FER: variants seen among roughly 807,000 people sequenced by gnomAD.
The protein encoded by FER is tyrosine-protein kinase Fer.
FER carries 63 observed loss-of-function variants against 111.0 expected under a neutral mutation model. The observed-to-expected ratio is 0.57, with a 90% confidence interval of 0.46 to 0.70. FER has a LOEUF of 0.70. Among genes scored for constraint, FER ranks in the 30% least tolerant of loss-of-function variants. The pLI, the probability that FER is intolerant of heterozygous loss-of-function variation, is 0.00. For synonymous variants in FER, 327 were observed against 313.9 expected (o/e 1.04, Z -0.44); for missense variants, 914 against 954.0 (o/e 0.96, Z 0.55).
chr5:109,159,316 A>G lies in FER; in HGVS notation c.2049-21431A>G, dbSNP rs546254422. Among the ~76,000 whole-genome samples, 4 of 152,288 alleles carry G rather than the reference A, an allele frequency of 2.6e-5. No individual in the cohort carries two copies. In the South Asian group the frequency reaches 8.3e-4, roughly 32 times the overall value. On this transcript the variant is annotated intron_variant, in intron 17 of 19. Coordinates refer to ENST00000281092, the MANE Select transcript of FER (RefSeq NM_005246.4). ...TCACAGATTTTCCTGCCATTCACCA[A>G]TCAGAAATAATCTTTACCTTTTCTA...
intron 3 of FER, among the ~76,000 whole-genome samples, chr5:108,814,616 G>A (rs1291072495): frequency 1.3e-5 from 2 of 152,126 alleles, no homozygotes; most frequent in Admixed American, 6.5e-5. Context: ...GATATCATCG[G>A]GGTATTAGGA....
chr5:109,052,080 G>T, intron 16 of FER: 1 of 1,603,190 alleles, frequency 6.2e-7, no homozygotes, highest in Non-Finnish European at 8.5e-7. Flanking sequence ...TCTGCTTCAA[G>T]TGCATCTCCA....
rs536714774 is a variant in FER, at chr5:109,195,009, G to T, written c.*7434G>T. On this transcript the variant is annotated 3_prime_UTR_variant, in exon 20 of 20. Transcript: ENST00000281092. ...ACTGAGATCCTAGGTAAAAGAACCAGCCTGGCAGTCTTTCCCACCTCATTG... is the reference window on the plus strand; with the variant it reads ...ACTGAGATCCTAGGTAAAAGAACCATCCTGGCAGTCTTTCCCACCTCATTG... 2 of 152,306 alleles carry T rather than the reference G, an allele frequency of 1.3e-5. No individual in the cohort carries two copies. Among genetic ancestry groups the T allele is most frequent in the South Asian group, 4.1e-4 (2 of 4,820 alleles). 9.4% of individuals were successfully genotyped at this position (152,306 alleles called of 1,614,324 possible).
At chr5:108,841,822 T>A in intron 5 of FER, 1 of 427,078 alleles carries the variant, frequency 2.3e-6, no homozygotes, top group South Asian at 1.7e-5. Flanking sequence ...TTTTCCTATG[T>A]CTTATCAGTG....
chr5:108,992,334 T>A (rs573383034), intron 13 of FER, among the ~76,000 whole-genome samples: 13 of 152,338 alleles, frequency 8.5e-5, no homozygotes, highest in Non-Finnish European at 1.5e-4. Flanking sequence ...CTTTACCCCC[T>A]TTCTATTCTA....
chr5:108,957,417 A>G (rs1000927390), intron 12 of FER, among the ~76,000 whole-genome samples: 1 of 151,600 alleles, frequency 6.6e-6, no homozygotes, highest in Non-Finnish European at 1.5e-5. Context: ...ATTTTATCCC[A>G]GTAGAATGGC....
intron 16 of FER, among the ~76,000 whole-genome samples, chr5:109,081,964 A>G (rs1164849584): frequency 6.6e-6 from 1 of 151,928 alleles, no homozygotes; most frequent in Non-Finnish European, 1.5e-5. Flanking sequence ...GAATCCATTG[A>G]AGGTTTCTGA....
chr5:108,861,304 A>C (rs1400424737), intron 5 of FER, among the ~76,000 whole-genome samples: 1 of 152,228 alleles, frequency 6.6e-6, no homozygotes, highest in Non-Finnish European at 1.5e-5. Flanking sequence ...TAGCTTAATG[A>C]GTAGTCTAGC....
At chr5:109,102,665 T>C (rs1167294728) in intron 17 of FER, among the ~76,000 whole-genome samples, 1 of 152,214 alleles carries the variant, frequency 6.6e-6, no homozygotes, top group Non-Finnish European at 1.5e-5. Flanking sequence ...CATTTAATTC[T>C]TCTAAACTAT....
chr5:108,997,756 T>A (rs779239482), intron 13 of FER, among the ~76,000 whole-genome samples: 1 of 152,074 alleles, frequency 6.6e-6, no homozygotes, highest in Non-Finnish European at 1.5e-5. Context: ...AGGTGCTCTG[T>A]TTCATGAAGA....
intron 2 of FER, among the ~76,000 whole-genome samples, chr5:108,781,723 G>C (rs1013707447): frequency 1.3e-5 from 2 of 152,082 alleles, no homozygotes; most frequent in Non-Finnish European, 2.9e-5. Flanking sequence ...CGTCTCCCAA[G>C]GTAAGACAGC....
chr5:109,083,306 A>G (rs979273741), intron 16 of FER, among the ~76,000 whole-genome samples: 1 of 152,022 alleles, frequency 6.6e-6, no homozygotes, highest in Non-Finnish European at 1.5e-5. Flanking sequence ...GTAGGTCTTC[A>G]TCCAGTTCTT....
At chr5:109,041,409 T>A (rs147657393) in intron 14 of FER, among the ~76,000 whole-genome samples, 2 of 151,924 alleles carry the variant, frequency 1.3e-5, no homozygotes, top group South Asian at 4.2e-4. Context: ...ACCGAAAGAT[T>A]GGCAGTTCCT....
intron 10 of FER, among the ~76,000 whole-genome samples, chr5:108,908,510 T>A (rs953500963): frequency 3.3e-5 from 5 of 152,198 alleles, no homozygotes; most frequent in Admixed American, 2.6e-4. Flanking sequence ...TTACGATTTT[T>A]AAAAATAATT....
intron 5 of FER, among the ~76,000 whole-genome samples, chr5:108,845,069 C>T (rs867890713): frequency 0.015 from 1,064 of 69,394 alleles, 5 homozygotes; most frequent in Non-Finnish European, 0.025. Context: ...TATATATATA[C>T]ACACACACAC....
At chr5:108,790,276 CT>C (rs987460859) in intron 2 of FER, among the ~76,000 whole-genome samples, 3 of 149,784 alleles carry the variant, frequency 2.0e-5, no homozygotes, top group African/African-American at 7.3e-5. Context: ...CACACACACT[CT>C]TACATACATA....
chr5:109,128,241 T>A (rs1751969132), intron 17 of FER, among the ~76,000 whole-genome samples: 1 of 151,976 alleles, frequency 6.6e-6, no homozygotes, highest in Non-Finnish European at 1.5e-5. Flanking sequence ...TTTTTTTTTT[T>A]AATGAGAGAC....
At chr5:108,769,323 T>G (rs1752649169) in intron 2 of FER, among the ~76,000 whole-genome samples, 1 of 152,058 alleles carries the variant, frequency 6.6e-6, no homozygotes, top group Non-Finnish European at 1.5e-5. Context: ...GGAAGAGCAT[T>G]CTCATTAGAA....
Position 108,867,877 on chromosome 5 carries a change from C to T in FER, c.592C>T (p.Gln198Ter), listed in dbSNP as rs1011312788. The T allele has an allele frequency of 1.2e-6, 2 of 1,612,748 alleles. No homozygotes were observed. The highest frequency in any genetic ancestry group is 8.5e-7 in the Non-Finnish European group (1 of 1,179,204). The change falls in exon 6 of 20, where the codon CAG (glutamine) becomes TAG (stop). Residue 198 changes from glutamine to a stop codon, truncating the protein, a stop_gained. Coordinates refer to ENST00000281092, the MANE Select transcript of FER (RefSeq NM_005246.4). LOFTEE classifies it high-confidence loss of function. ...ALKGAQLHQN[Q>*]YYDITLPLLL... ...GAAAGGGGCACAGCTCCATCAGAAT[C>T]AGTATTATGATATCACACTTCCCCT...
Sources: allele counts gnomAD v4.1 joint callset (sites outside exome capture counted in the v4.1 genomes callset), GRCh38; gene constraint gnomAD v4.1.1; transcripts MANE v1.5; gene names NCBI Gene and HGNC (gene_info 2026-07-23, HGNC 2026-07-21).